ATP2C1: variants seen among roughly 807,000 people sequenced by gnomAD.
ATP2C1 encodes the protein calcium-transporting ATPase type 2C member 1.
ATP2C1 carries 31 observed loss-of-function variants against 120.5 expected under a neutral mutation model. That is an observed-to-expected ratio of 0.26 (90% CI 0.19 to 0.35). The LOEUF (loss-of-function observed/expected upper bound fraction) is 0.35. Among genes scored for constraint, ATP2C1 ranks in the 10% least tolerant of loss-of-function variants. The pLI is 1.00. For synonymous variants in ATP2C1, 351 were observed against 358.7 expected, an observed-to-expected ratio of 0.98 and a Z score of 0.24; for missense variants, 731 against 1,107.5, an observed-to-expected ratio of 0.66 and a Z score of 4.83.
chr3:130,947,272 C>T (rs902270512), intron 8 of ATP2C1, among the ~76,000 whole-genome samples: 5 of 152,022 alleles, frequency 3.3e-5, no homozygotes, highest in African/African-American at 9.7e-5. Flanking sequence ...ATTATTAAAA[C>T]AGCTTTTTTG....
At position 131,001,595 on chromosome 3, in the gene ATP2C1, TGGTC is replaced by T. The variant is rs1280784663; in HGVS notation, c.*246_*249del. ...ATTGAGTGAAACTTTATAAAGCATA[TGGTC>T]AGTTATTTAATTAAAAAGGCAAAAC... On this transcript the variant is annotated 3_prime_UTR_variant, in exon 28 of 28. Transcript: ENST00000510168. 574 of 1,171,334 alleles carry T rather than the reference TGGTC, an allele frequency of 4.9e-4. 1 individual carries two copies. In the African/African-American group the frequency reaches 8.7e-3, roughly 18 times the overall value. The allele number at this position is 1,171,334 out of a possible 1,614,324, so 72.6% of individuals were successfully genotyped here.
intron 1 of ATP2C1, among the ~76,000 whole-genome samples, chr3:130,883,367 C>CT (rs1351375548): frequency 6.6e-6 from 1 of 151,340 alleles, no homozygotes; most frequent in Non-Finnish European, 1.5e-5. Context: ...TTTATTACTT[C>CT]TTTTTTCCTA....
At chr3:130,893,966 C>A (rs2069331492), upstream of ATP2C1, 2 of 985,686 alleles carry the variant, frequency 2.0e-6, no homozygotes, top group African/African-American at 1.7e-5. Flanking sequence ...CCTGCGCGCA[C>A]CTCTCTCAGC....
At chr3:130,867,006 A>G (rs2068199096) in intron 1 of ATP2C1, among the ~76,000 whole-genome samples, 1 of 152,106 alleles carries the variant, frequency 6.6e-6, no homozygotes, top group South Asian at 2.1e-4. Flanking sequence ...TCCCATTATT[A>G]TTATATCTGT....
At chr3:130,858,942 A>G (rs2067929521) in intron 1 of ATP2C1, among the ~76,000 whole-genome samples, 2 of 152,198 alleles carry the variant, frequency 1.3e-5, no homozygotes, top group Admixed American at 1.3e-4. Flanking sequence ...GGATTATGAT[A>G]TACTAATAAA....
At chr3:130,930,003 AC>A (rs2059385833) in intron 2 of ATP2C1, 1 of 332,296 alleles carries the variant, frequency 3.0e-6, no homozygotes, top group Non-Finnish European at 5.8e-6. Flanking sequence ...GAGCTGACTG[AC>A]TAAGAGGAGT....
chr3:130,941,270 G>C (rs559861088), intron 7 of ATP2C1, among the ~76,000 whole-genome samples: 14 of 151,494 alleles, frequency 9.2e-5, no homozygotes, highest in Admixed American at 6.6e-4. Context: ...GTGTGTCTGT[G>C]TGTGTGCGCG....
At chr3:130,971,580 A>T (rs141613681) in intron 17 of ATP2C1, among the ~76,000 whole-genome samples, 1 of 152,196 alleles carries the variant, frequency 6.6e-6, no homozygotes, top group Non-Finnish European at 1.5e-5. Context: ...AACCCACCAA[A>T]ATTACTAACA....
chr3:130,989,489 C>T lies in ATP2C1; in HGVS notation c.1840-3462C>T, dbSNP rs9876477. On this transcript the variant is annotated intron_variant, in intron 20 of 27. Coordinates refer to ENST00000510168, the MANE Select transcript of ATP2C1 (RefSeq NM_001378687.1). Reference sequence around the variant, plus strand: ...CTGAGGCAGGAGAATCGCTTGAACCCGGGAGGAGGAGGTTGTGGTGAGCCG... The same window carrying T: ...CTGAGGCAGGAGAATCGCTTGAACCTGGGAGGAGGAGGTTGTGGTGAGCCG... Among the ~76,000 whole-genome samples, 111 of 144,470 alleles carry T rather than the reference C, an allele frequency of 7.7e-4. No homozygotes were observed. In the South Asian group the frequency reaches 8.2e-3, roughly 11 times the overall value. The allele number at this position is 144,470 out of a possible 152,430, so 94.8% of individuals were successfully genotyped here.
chr3:131,004,217 T>G (rs1000271549), downstream of ATP2C1, among the ~76,000 whole-genome samples: 4 of 152,220 alleles, frequency 2.6e-5, no homozygotes, highest in African/African-American at 9.6e-5. Flanking sequence ...CATTGGCATT[T>G]GAAAATCTTT....
In ATP2C1 at chr3:130,998,471, G is replaced by A. The variant is rs143595660; in HGVS notation, c.2487+82G>A. 7 of 1,069,668 alleles carry A rather than the reference G, an allele frequency of 6.5e-6. No individual in the cohort carries two copies. The African/African-American group carries it at 7.8e-5, about 12-fold the overall frequency. The allele number at this position is 1,069,668 out of a possible 1,614,324, so 66.3% of individuals were successfully genotyped here. On this transcript the variant is annotated intron_variant, in intron 26 of 27. Transcript: ENST00000510168. ...TTCTAATAAGTAGGCAAAGATTATG[G>A]GTTTTTAGCTTTGCTTAATTTTGTA...
At chr3:130,892,035 G>A (rs2069187937), upstream of ATP2C1, among the ~76,000 whole-genome samples, 1 of 151,948 alleles carries the variant, frequency 6.6e-6, no homozygotes, top group African/African-American at 2.4e-5. Context: ...CATAATTTAG[G>A]GGACCAAAAG....
At chr3:130,873,660 A>G (rs1325134087) in intron 1 of ATP2C1, among the ~76,000 whole-genome samples, 2 of 152,210 alleles carry the variant, frequency 1.3e-5, no homozygotes, top group Non-Finnish European at 2.9e-5. Flanking sequence ...TGTGTCTGCT[A>G]ATAGAAACAA....
exon 27 of ATP2C1, chr3:131,016,281 C>T (rs760570779): frequency 6.2e-7 from 1 of 1,614,166 alleles, no homozygotes; most frequent in Admixed American, 1.7e-5. Context: ...TCTGCGCCTT[C>T]ACTCTTTGGA....
intron 20 of ATP2C1, among the ~76,000 whole-genome samples, chr3:130,987,177 G>A (rs1309214274): frequency 6.6e-6 from 1 of 151,792 alleles, no homozygotes; most frequent in Non-Finnish European, 1.5e-5. Context: ...GAAAGGATTT[G>A]CAGAAATGGA....
At chr3:130,963,618 A>T (rs983356323) in intron 12 of ATP2C1, 1 of 267,274 alleles carries the variant, frequency 3.7e-6, no homozygotes, top group Non-Finnish European at 7.3e-6. Context: ...ACATTCATGT[A>T]TGAGTTTTTG....
chr3:131,000,501 A>G (rs966094641), intron 27 of ATP2C1, among the ~76,000 whole-genome samples: 3 of 152,250 alleles, frequency 2.0e-5, no homozygotes, highest in African/African-American at 7.2e-5. Flanking sequence ...GAAATAGAAC[A>G]TATTAATGTC....
At chr3:130,979,936 C>T (rs1253614553) in intron 19 of ATP2C1, among the ~76,000 whole-genome samples, 3 of 152,156 alleles carry the variant, frequency 2.0e-5, no homozygotes, top group Non-Finnish European at 4.4e-5. Context: ...AACTGTAATT[C>T]ATACTGATAA....
At chr3:130,985,497 G>A (rs950934955) in intron 20 of ATP2C1, among the ~76,000 whole-genome samples, 1 of 151,944 alleles carries the variant, frequency 6.6e-6, no homozygotes, top group Admixed American at 6.6e-5. Context: ...GCTGGGTGTG[G>A]TGGTGGGCGC....
Sources: gnomAD v4.1 joint callset for allele counts (sites outside exome capture counted in the v4.1 genomes callset) on GRCh38, gnomAD v4.1.1 for gene constraint, MANE v1.5 for transcripts, NCBI Gene and HGNC (gene_info 2026-07-23, HGNC 2026-07-21) for gene names.